The following PRKAR1B variants were observed in gnomAD, a reference collection of about 807,000 sequenced individuals.
PRKAR1B encodes the protein protein kinase cAMP-dependent type I regulatory subunit beta.
Under a neutral mutation model 46.5 loss-of-function variants are expected in PRKAR1B, and 22 were observed. That is an observed-to-expected ratio of 0.47 (90% CI 0.34 to 0.68). The LOEUF is 0.68. PRKAR1B is among the 30% of genes least tolerant of loss of function. PRKAR1B has a pLI of 0.01. For synonymous variants in PRKAR1B, 259 were observed against 217.7 expected, an observed-to-expected ratio of 1.19 and a Z score of -1.67; for missense variants, 445 against 535.6, an observed-to-expected ratio of 0.83 and a Z score of 1.67.
rs28391135 is a variant in PRKAR1B, at chr7:592,557, C to T, written c.708+3589G>A. Among the ~76,000 whole-genome samples the T allele has an allele frequency of 8.8e-3, 1,340 of 152,286 alleles. 12 individuals carry two copies. Among genetic ancestry groups the T allele is most frequent in the African/African-American group, 0.025 (1,058 of 41,532 alleles). Reference sequence around the variant, plus strand: ...CCGAGTCACTCCGGATACTGGTCAGCGGGGGCTGAGGGGCGGGGAGGGTCC... The same window carrying T: ...CCGAGTCACTCCGGATACTGGTCAGTGGGGGCTGAGGGGCGGGGAGGGTCC... On this transcript the variant is annotated intron_variant, in intron 7 of 10. Transcript: ENST00000537384.
At chr7:611,275 GTC>G (rs1562561620) in intron 4 of PRKAR1B, among the ~76,000 whole-genome samples, 1 of 152,182 alleles carries the variant, frequency 6.6e-6, no homozygotes, top group East Asian at 1.9e-4. Flanking sequence ...CCCTCTCTCT[GTC>G]TCTCTCTCCA....
rs559094993 is a variant in PRKAR1B, at chr7:583,916, T to C, written c.769+592A>G. On this transcript the variant is annotated intron_variant, in intron 8 of 10. Coordinates refer to ENST00000537384, the MANE Select transcript of PRKAR1B (RefSeq NM_001164760.2). ...GCCCCCACTGGCCCAGCTGGCGCCA[T>C]CGCGTATAACTCAGGCTTCAGCAGC... Among the ~76,000 whole-genome samples the C allele has an allele frequency of 8.5e-5, 13 of 152,246 alleles. No homozygotes were observed. The East Asian group carries it at 2.3e-3, about 27-fold the overall frequency.
intron 4 of PRKAR1B, among the ~76,000 whole-genome samples, chr7:669,649 A>C (rs1464314207): frequency 6.6e-6 from 1 of 151,688 alleles, no homozygotes; most frequent in Non-Finnish European, 1.5e-5. Context: ...CTGTAATCTC[A>C]GCTACTCGGG....
chr7:661,326 C>T (rs186118660), intron 4 of PRKAR1B, among the ~76,000 whole-genome samples: 65 of 66,248 alleles, frequency 9.8e-4, no homozygotes, highest in Non-Finnish European at 1.3e-3. Flanking sequence ...CAGGTCCCCA[C>T]GCCAACGGGT....
At chr7:613,878 A>G (rs991727291) in intron 4 of PRKAR1B, among the ~76,000 whole-genome samples, 2 of 152,136 alleles carry the variant, frequency 1.3e-5, no homozygotes, top group Admixed American at 6.5e-5. Context: ...GCCTGCAGAG[A>G]CCTCTCCCGG....
intron 4 of PRKAR1B, among the ~76,000 whole-genome samples, chr7:638,122 A>C (rs1159272417): frequency 6.6e-6 from 1 of 152,168 alleles, no homozygotes; most frequent in Non-Finnish European, 1.5e-5. Flanking sequence ...CCGCGTGGGC[A>C]CCCAGCAGGC....
rs376876983 is a variant in PRKAR1B at position 686,302 on chromosome 7, G to GAA, written c.178-5578_178-5577dup. Among the ~76,000 whole-genome samples, 83 of 138,876 alleles carry GAA rather than the reference G, an allele frequency of 6.0e-4. 1 individual carries two copies. Among genetic ancestry groups the GAA allele is most frequent in the African/African-American group, 2.0e-3 (78 of 38,278 alleles). The allele number at this position is 138,876 out of a possible 152,430, so 91.1% of individuals were successfully genotyped here. A position where few individuals can be genotyped will look rare whatever the true frequency, so the allele number is the denominator to read the frequency against. On this transcript the variant is annotated intron_variant, in intron 2 of 10. Transcript: ENST00000537384. ...GGCGACAGAGCGAGATTATGTCTCA[G>GAA]AAAAAAAAAAAATGGAGAATTAAAG...
chr7:634,378 T>C (rs1354508458), intron 4 of PRKAR1B, among the ~76,000 whole-genome samples: 6 of 151,742 alleles, frequency 4.0e-5, no homozygotes, highest in Admixed American at 6.6e-5. Flanking sequence ...CTCGGGAGGC[T>C]AAGGCGGGAG....
At chr7:710,108 T>G (rs1780540598) in intron 2 of PRKAR1B, among the ~76,000 whole-genome samples, 1 of 152,196 alleles carries the variant, frequency 6.6e-6, no homozygotes, top group South Asian at 2.1e-4. Flanking sequence ...AAGAGTTATA[T>G]TCACTCCTTT....
At chr7:609,343 T>C (rs146327315) in intron 4 of PRKAR1B, among the ~76,000 whole-genome samples, 121 of 152,344 alleles carry the variant, frequency 7.9e-4, no homozygotes, top group African/African-American at 2.8e-3. Context: ...CAACTTATAA[T>C]GGTAAAATAT....
intron 4 of PRKAR1B, among the ~76,000 whole-genome samples, chr7:638,405 C>G (rs1411013991): frequency 6.6e-6 from 1 of 152,158 alleles, no homozygotes; most frequent in African/African-American, 2.4e-5. Context: ...AGATCGTCCC[C>G]CGGGGGCCTC....
chr7:573,683 A>T (rs759005328), intron 9 of PRKAR1B, among the ~76,000 whole-genome samples: 5 of 152,188 alleles, frequency 3.3e-5, no homozygotes, highest in Non-Finnish European at 5.9e-5. Flanking sequence ...CCCGCAAAAC[A>T]CCCAAGAAGG....
intron 1 of PRKAR1B, among the ~76,000 whole-genome samples, chr7:725,066 T>A (rs1008522883): frequency 6.6e-6 from 1 of 151,888 alleles, no homozygotes; most frequent in African/African-American, 2.4e-5. Context: ...TACAAAAAAT[T>A]AGCTGGGCGT....
At chr7:572,694 A>G (rs1470964263) in intron 9 of PRKAR1B, among the ~76,000 whole-genome samples, 1 of 152,188 alleles carries the variant, frequency 6.6e-6, no homozygotes, top group Non-Finnish European at 1.5e-5. Context: ...GCCAGCCCTC[A>G]CTGGCGTCCA....
At chr7:624,010 G>C (rs142129552) in intron 4 of PRKAR1B, among the ~76,000 whole-genome samples, 1 of 152,160 alleles carries the variant, frequency 6.6e-6, no homozygotes, top group Non-Finnish European at 1.5e-5. Flanking sequence ...TGGCCATGGC[G>C]TCCAGCCCTG....
intron 6 of PRKAR1B, among the ~76,000 whole-genome samples, chr7:604,267 G>A (rs907481862): frequency 6.6e-6 from 1 of 152,214 alleles, no homozygotes; most frequent in African/African-American, 2.4e-5. Flanking sequence ...TTTTAAACTC[G>A]AAGCAAAGCC....
intron 7 of PRKAR1B, among the ~76,000 whole-genome samples, chr7:594,739 G>A (rs1781172297): frequency 6.6e-6 from 1 of 151,940 alleles, no homozygotes; most frequent in Admixed American, 6.6e-5. Flanking sequence ...CAAACCATAA[G>A]GGGACCCCTA....
intron 4 of PRKAR1B, among the ~76,000 whole-genome samples, chr7:611,006 C>T (rs1399868314): frequency 1.3e-5 from 2 of 152,202 alleles, no homozygotes; most frequent in East Asian, 1.9e-4. Flanking sequence ...GCCGGCCCTT[C>T]CTGCGGGGGC....
In PRKAR1B at chr7:705,063, G is replaced by A. The variant is rs935492369; in HGVS notation, c.177+6266C>T. ...TCCCAGCACTTTGGGAGGCTGAGGC[G>A]GGTGGAGCATCTGAGGTCAGGAGTT... is the stretch of plus-strand genomic sequence containing the variant. On this transcript the variant is annotated intron_variant, in intron 2 of 10. Transcript: ENST00000537384. 2.6e-5 allele frequency among the ~76,000 whole-genome samples: 4 copies of A among 151,934 alleles called. No homozygotes were observed. In the East Asian group the frequency reaches 7.7e-4, roughly 29 times the overall value.
Sources: gnomAD v4.1 joint callset for allele counts (sites outside exome capture counted in the v4.1 genomes callset) on GRCh38, gnomAD v4.1.1 for gene constraint, MANE v1.5 for transcripts, NCBI Gene and HGNC (gene_info 2026-07-23, HGNC 2026-07-21) for gene names.